DLG2: variants seen among roughly 807,000 people sequenced by gnomAD.
DLG2 encodes the protein discs large MAGUK scaffold protein 2.
In DLG2, 45 loss-of-function variants were observed where a neutral mutation model predicts 132.5. The observed-to-expected ratio is 0.34, with a 90% CI of 0.27 to 0.44. The LOEUF (loss-of-function observed/expected upper bound fraction) is 0.44. Ranked by LOEUF, DLG2 falls within the 20% of genes least tolerant of loss-of-function variation. The pLI is 1.00. For missense variants in DLG2, 1,045 were observed against 1,196.9 expected (o/e 0.87, Z 1.87); for synonymous variants, 424 against 419.6 (o/e 1.01, Z -0.13).
In DLG2 at chr11:84,114,718, T is replaced by C. The variant is rs150440892; in HGVS notation, c.625-15671A>G. Among the ~76,000 whole-genome samples the C allele has an allele frequency of 3.1e-3, 477 of 152,314 alleles. 5 individuals are homozygous for C. The highest frequency in any genetic ancestry group is 0.022 in the East Asian group (115 of 5,192). ...TTCTTTTTCTTTTTTTCTTTTTGTT[T>C]CTTTGAGACAGGCTGGAGTGCAGTG... On this transcript the variant is annotated intron_variant, in intron 9 of 27. Transcript: ENST00000376104.
At chr11:84,628,704 T>C (rs1264459769) in intron 6 of DLG2, among the ~76,000 whole-genome samples, 1 of 152,166 alleles carries the variant, frequency 6.6e-6, no homozygotes, top group Non-Finnish European at 1.5e-5. Flanking sequence ...ACAATCTATG[T>C]GATTTTTTGT....
intron 7 of DLG2, among the ~76,000 whole-genome samples, chr11:84,446,623 T>A (rs2099035856): frequency 6.6e-6 from 1 of 152,054 alleles, no homozygotes. Flanking sequence ...GGGTTTAAAT[T>A]TACTCTTTTT....
intron 11 of DLG2, among the ~76,000 whole-genome samples, chr11:84,015,497 C>T (rs1266587920): frequency 2.6e-5 from 4 of 152,076 alleles, no homozygotes; most frequent in Admixed American, 2.6e-4. Flanking sequence ...TTAATCCCAG[C>T]ATCTATTAGC....
At chr11:83,674,194 T>G (rs1335999269) in intron 18 of DLG2, among the ~76,000 whole-genome samples, 1 of 152,180 alleles carries the variant, frequency 6.6e-6, no homozygotes, top group Non-Finnish European at 1.5e-5. Context: ...GGGAAGGGAT[T>G]CAGGGGTTCC....
chr11:83,750,103 C>T (rs544158353), intron 18 of DLG2, among the ~76,000 whole-genome samples: 4 of 152,248 alleles, frequency 2.6e-5, no homozygotes, highest in East Asian at 3.9e-4. Flanking sequence ...CAAGAAAAAA[C>T]GCTCAAGCTT....
At chr11:85,519,930 C>T (rs2074146445) in intron 3 of DLG2, among the ~76,000 whole-genome samples, 1 of 152,164 alleles carries the variant, frequency 6.6e-6, no homozygotes. Context: ...GATTGTGAGG[C>T]CTCCCCAGCC....
chr11:85,058,565 A>C (rs1376070924), intron 6 of DLG2, among the ~76,000 whole-genome samples: 2 of 151,548 alleles, frequency 1.3e-5, no homozygotes, highest in African/African-American at 2.4e-5. Flanking sequence ...GGAAATGCAA[A>C]TATACAAGAA....
intron 16 of DLG2, among the ~76,000 whole-genome samples, chr11:83,857,756 C>A (rs2060774972): frequency 6.6e-6 from 1 of 151,474 alleles, no homozygotes; most frequent in African/African-American, 2.4e-5. Flanking sequence ...ATGTTAATAA[C>A]AGGTGAGGCT....
At chr11:83,954,549 A>G (rs1406720940) in intron 14 of DLG2, among the ~76,000 whole-genome samples, 1 of 152,242 alleles carries the variant, frequency 6.6e-6, no homozygotes, top group African/African-American at 2.4e-5. Context: ...AATGCAACAC[A>G]GAGCAAAACA....
intron 8 of DLG2, 86 bp downstream of exon 8, chr11:84,251,152 G>A: frequency 3.8e-6 from 3 of 796,136 alleles, no homozygotes; most frequent in East Asian, 3.0e-5. Context: ...TAGTTTGGGT[G>A]AAACTAAATG....
rs150976834 is a variant in DLG2, at chr11:83,557,216, G to A, written c.1941-15358C>T. On this transcript the variant is annotated intron_variant, in intron 19 of 27. Transcript: ENST00000376104. ...ATTTATGAGACTAATAGGCAAAAAA[G>A]TACTGTAAGCAAATTCTTTCTATTT... Among the ~76,000 whole-genome samples the A allele has an allele frequency of 4.7e-4, 72 of 152,282 alleles. 1 individual carries two copies. The East Asian group carries it at 0.013, about 26-fold the overall frequency.
chr11:84,744,285 G>A (rs1345014765), intron 6 of DLG2, among the ~76,000 whole-genome samples: 1 of 152,098 alleles, frequency 6.6e-6, no homozygotes, highest in Non-Finnish European at 1.5e-5. Flanking sequence ...TCTATACATA[G>A]AAATACCTTA....
rs2099701127 is a variant in DLG2 at position 84,667,505 on chromosome 11, T to TTTTG, written c.358-132775_358-132774insCAAA. 8.9e-5 allele frequency among the ~76,000 whole-genome samples: 10 copies of TTTTG among 112,148 alleles called. No homozygotes were observed. In the South Asian group the frequency reaches 3.0e-3, roughly 34 times the overall value. The allele number at this position is 112,148 out of a possible 152,430, so 73.6% of individuals were successfully genotyped here. ...TTTTGTTTTTTGTTTTTTGTTTTTT[T>TTTTG]TTTTTTTTTGAGTCATAGTCCTGCT... On this transcript the variant is annotated intron_variant, in intron 6 of 27. Transcript: ENST00000376104.
At chr11:83,808,052 A>C (rs2046360932) in intron 17 of DLG2, among the ~76,000 whole-genome samples, 1 of 152,004 alleles carries the variant, frequency 6.6e-6, no homozygotes, top group Non-Finnish European at 1.5e-5. Flanking sequence ...CTTCCCCATA[A>C]TATCACATGC....
At chr11:85,557,012 A>T (rs2076976593) in intron 3 of DLG2, among the ~76,000 whole-genome samples, 1 of 151,872 alleles carries the variant, frequency 6.6e-6, no homozygotes. Flanking sequence ...ATCTCTCTTC[A>T]CTGATTATAT....
At chr11:84,036,465 G>A (rs1263312827) in intron 11 of DLG2, among the ~76,000 whole-genome samples, 1 of 152,024 alleles carries the variant, frequency 6.6e-6, no homozygotes, top group African/African-American at 2.4e-5. Flanking sequence ...CACTCTAACA[G>A]ATGTCCCATC....
chr11:84,679,226 T>C (rs1418125695), intron 6 of DLG2, among the ~76,000 whole-genome samples: 8 of 151,984 alleles, frequency 5.3e-5, no homozygotes, highest in Non-Finnish European at 1.2e-4. Flanking sequence ...GGAGAAAATA[T>C]AATAATAGAT....
intron 18 of DLG2, among the ~76,000 whole-genome samples, chr11:83,673,726 A>G (rs533814766): frequency 1.3e-5 from 2 of 152,270 alleles, no homozygotes; most frequent in African/African-American, 4.8e-5. Flanking sequence ...GCTACTTTCC[A>G]ACTGTGTGAA....
intron 18 of DLG2, among the ~76,000 whole-genome samples, chr11:83,753,997 A>G (rs2093541773): frequency 6.7e-6 from 1 of 148,600 alleles, no homozygotes; most frequent in Non-Finnish European, 1.5e-5. Flanking sequence ...CAGTAATACA[A>G]CAATTCAACC....
Sources: allele counts gnomAD v4.1 joint callset (sites outside exome capture counted in the v4.1 genomes callset), GRCh38; gene constraint gnomAD v4.1.1; transcripts MANE v1.5; gene names NCBI Gene and HGNC (gene_info 2026-07-23, HGNC 2026-07-21).